The following EXOC6 variants were observed in gnomAD, a reference collection of about 807,000 sequenced individuals.
EXOC6 encodes SEC15-like 1.
A neutral mutation model predicts 112.5 loss-of-function variants in EXOC6; 60 were observed. That is an observed-to-expected ratio of 0.53 (90% CI 0.43 to 0.66). The LOEUF (loss-of-function observed/expected upper bound fraction) is 0.66. EXOC6 is among the 30% of genes least tolerant of loss of function. EXOC6 has a pLI of 0.00. For synonymous variants in EXOC6, 295 were observed against 308.0 expected (o/e 0.96, Z 0.44); for missense variants, 855 against 957.1 (o/e 0.89, Z 1.41).
intron 6 of EXOC6, among the ~76,000 whole-genome samples, chr10:92,911,486 C>T (rs1403516054): frequency 6.6e-6 from 1 of 152,194 alleles, no homozygotes; most frequent in African/African-American, 2.4e-5. Flanking sequence ...ACATTTTAAT[C>T]ACAAGTGTCG....
At chr10:92,970,118 A>C (rs1190201632) in intron 17 of EXOC6, among the ~76,000 whole-genome samples, 1 of 152,026 alleles carries the variant, frequency 6.6e-6, no homozygotes, top group African/African-American at 2.4e-5. Context: ...ACTATGTGCC[A>C]AGCACTGTTC....
intron 1 of EXOC6, among the ~76,000 whole-genome samples, chr10:92,871,337 C>T (rs1169980661): frequency 1.3e-5 from 2 of 149,230 alleles, no homozygotes; most frequent in African/African-American, 2.5e-5. Flanking sequence ...GACCAGCCTG[C>T]GTGACATAGG....
upstream of EXOC6, among the ~76,000 whole-genome samples, chr10:92,847,459 G>C (rs1460762321): frequency 2.6e-5 from 4 of 152,150 alleles, no homozygotes; most frequent in African/African-American, 9.6e-5. Context: ...TCAAGTAAAA[G>C]CTCACTAAGG....
intron 17 of EXOC6, among the ~76,000 whole-genome samples, chr10:92,961,240 A>G (rs1853978261): frequency 6.6e-6 from 1 of 152,120 alleles, no homozygotes; most frequent in African/African-American, 2.4e-5. Context: ...GATTACTTAT[A>G]TGCTTTTTTA....
intron 1 of EXOC6, among the ~76,000 whole-genome samples, chr10:92,890,394 A>G (rs1268514443): frequency 1.5e-5 from 2 of 130,652 alleles, no homozygotes; most frequent in African/African-American, 5.8e-5. Context: ...CCATTCATCT[A>G]TTAATTCATG....
At chr10:93,036,841 G>A (rs1184173918) in intron 20 of EXOC6, among the ~76,000 whole-genome samples, 2 of 152,254 alleles carry the variant, frequency 1.3e-5, no homozygotes, top group African/African-American at 2.4e-5. Flanking sequence ...TAAATTTTCA[G>A]TGAGTTACAC....
intron 17 of EXOC6, among the ~76,000 whole-genome samples, chr10:92,973,387 T>C (rs1314269494): frequency 6.6e-6 from 1 of 152,224 alleles, no homozygotes; most frequent in Non-Finnish European, 1.5e-5. Context: ...TACCAAGATT[T>C]AGCTGTTTTT....
chr10:92,949,738 A>G (rs1038764571), intron 14 of EXOC6, among the ~76,000 whole-genome samples: 2 of 151,922 alleles, frequency 1.3e-5, no homozygotes, highest in East Asian at 3.9e-4. Flanking sequence ...GATTACAGGC[A>G]TGCGCCACCA....
At chr10:92,954,162 C>T (rs1433131343) in intron 15 of EXOC6, among the ~76,000 whole-genome samples, 1 of 152,082 alleles carries the variant, frequency 6.6e-6, no homozygotes, top group East Asian at 1.9e-4. Flanking sequence ...CATCTGTAGT[C>T]CCAGCTACTC....
intron 20 of EXOC6, among the ~76,000 whole-genome samples, chr10:93,050,620 C>T (rs1846234098): frequency 6.6e-6 from 1 of 151,910 alleles, no homozygotes; most frequent in Non-Finnish European, 1.5e-5. Flanking sequence ...ATTAGCCGGG[C>T]ATGGTGGCGT....
At chr10:92,964,981 C>A (rs1256452379) in intron 17 of EXOC6, among the ~76,000 whole-genome samples, 1 of 152,178 alleles carries the variant, frequency 6.6e-6, no homozygotes, top group Non-Finnish European at 1.5e-5. Flanking sequence ...TGTCTCCCTC[C>A]ACCAGCTGCT....
intron 20 of EXOC6, among the ~76,000 whole-genome samples, chr10:93,024,967 G>A (rs1031276922): frequency 1.3e-5 from 2 of 152,034 alleles, no homozygotes; most frequent in African/African-American, 4.8e-5. Context: ...AATAATTTGA[G>A]TTAAGACATA....
rs549166251 is a variant in EXOC6 at position 92,865,329 on chromosome 10, C to T, written c.101+16695C>T. ...CGGGTGAATCACTTGAGGCCAGGAG[C>T]TTGAGACCAGCCTGGCCACCATGGT... is the stretch of plus-strand genomic sequence containing the variant. On this transcript the variant is annotated intron_variant, in intron 1 of 21. Transcript: ENST00000260762. Among the ~76,000 whole-genome samples the T allele has an allele frequency of 3.3e-5, 5 of 152,048 alleles. No individual in the cohort carries two copies. The South Asian group carries it at 1.0e-3, about 32-fold the overall frequency.
chr10:92,975,861 C>T (rs1842559620), intron 18 of EXOC6, among the ~76,000 whole-genome samples: 2 of 140,008 alleles, frequency 1.4e-5, no homozygotes, highest in Non-Finnish European at 3.1e-5. Flanking sequence ...CCCGGCCGCC[C>T]CTACTGGGAA....
intron 1 of EXOC6, among the ~76,000 whole-genome samples, chr10:92,889,249 A>G (rs556047471): frequency 6.6e-6 from 1 of 152,330 alleles, no homozygotes; most frequent in Admixed American, 6.5e-5. Context: ...TTATTGTTTA[A>G]GAATTTTTCA....
intron 18 of EXOC6, among the ~76,000 whole-genome samples, chr10:92,983,705 C>T (rs1286483112): frequency 1.3e-5 from 2 of 152,064 alleles, no homozygotes; most frequent in Non-Finnish European, 1.5e-5. Flanking sequence ...TGGGGTTTCA[C>T]TGTTTTGGCC....
chr10:93,037,965 G>C (rs1462630878), intron 20 of EXOC6, among the ~76,000 whole-genome samples: 2 of 149,574 alleles, frequency 1.3e-5, no homozygotes, highest in South Asian at 4.2e-4. Flanking sequence ...GCGTGAACCC[G>C]GGAGGCGGAG....
At chr10:92,940,703 C>CTT (rs201561143) in intron 12 of EXOC6, 24 bp from the exon 13 acceptor site, 26,131 of 1,220,892 alleles carry the variant, frequency 0.021, 38 homozygotes, top group East Asian at 0.036. Context: ...TGTTTATCTG[C>CTT]TTTTTTTTTT....
At chr10:92,935,729 A>T in intron 11 of EXOC6, 85 bp from the exon 12 acceptor site, 1 of 964,952 alleles carries the variant, frequency 1.0e-6, no homozygotes. Flanking sequence ...AAACATTATC[A>T]ATTTCTTATT....
Sources: allele counts gnomAD v4.1 joint callset (sites outside exome capture counted in the v4.1 genomes callset), GRCh38; gene constraint gnomAD v4.1.1; transcripts MANE v1.5; gene names NCBI Gene and HGNC (gene_info 2026-07-23, HGNC 2026-07-21).